The following CRIP2 variants were observed in gnomAD, a reference collection of about 807,000 sequenced individuals.
CRIP2 encodes cysteine-rich protein 2.
In CRIP2, 31 loss-of-function variants were observed where a neutral mutation model predicts 31.3. The observed-to-expected ratio is 0.99, with a 90% confidence interval of 0.74 to 1.34. CRIP2 has a LOEUF of 1.34. CRIP2 is among the 40% of genes most tolerant of loss of function. The pLI is 0.00. For missense variants in CRIP2, 389 were observed against 301.6 expected (o/e 1.29, Z -2.15); for synonymous variants, 177 against 127.2 (o/e 1.39, Z -2.63).
upstream of CRIP2, among the ~76,000 whole-genome samples, chr14:105,473,668 T>C (rs1555435204): frequency 6.6e-6 from 1 of 152,152 alleles, no homozygotes; most frequent in Admixed American, 6.5e-5. Context: ...GAAGGGCCCA[T>C]GGGGACAGAG....
chr14:105,478,702 AC>A lies in CRIP2; in HGVS notation c.197-24del. On this transcript the variant is annotated intron_variant, in intron 3 of 7. Coordinates refer to ENST00000329146, the MANE Select transcript of CRIP2 (RefSeq NM_001312.4). This position sits in a 1 kb window ranked among gnomAD's most constrained non-coding sequence, Gnocchi z 4.9. ...GGTGGCCGCGGCCCCCACCCCACGT[AC>A]CCCCGCCCCACGTACCCCCACCCGC... is the stretch of plus-strand genomic sequence containing the variant. The A allele has an allele frequency of 7.0e-7, 1 of 1,432,756 alleles. No homozygotes were observed. The allele number at this position is 1,432,756 out of a possible 1,614,324, so 88.8% of individuals were successfully genotyped here.
chr14:105,479,071 A>ACCCCCG lies in CRIP2; in HGVS notation c.407-37_407-32dup, dbSNP rs781950464. ...CGGTGAGTGCGCGCCCGGGCCCCGG[A>ACCCCCG]CCCCCGCCCCCGCCCCCGCCCCGGG... On this transcript the variant is annotated intron_variant, in intron 5 of 7. Coordinates refer to ENST00000329146, the MANE Select transcript of CRIP2 (RefSeq NM_001312.4). 328 of 1,519,440 alleles carry ACCCCCG rather than the reference A, an allele frequency of 2.2e-4. 1 individual carries two copies. The highest frequency in any genetic ancestry group is 1.6e-3 in the African/African-American group (112 of 71,234). 94.1% of individuals were successfully genotyped at this position (1,519,440 alleles called of 1,614,324 possible).
chr14:105,479,526 C>T (rs369993075), intron 7 of CRIP2, 33 bp downstream of exon 7: 805 of 1,612,638 alleles, frequency 5.0e-4, no homozygotes, highest in Non-Finnish European at 6.3e-4. Context: ...ACGATGTCTT[C>T]CCTGCCCTCC....
In CRIP2 at chr14:105,479,761, G is replaced by A; in HGVS notation, c.*108G>A. On this transcript the variant is annotated 3_prime_UTR_variant, in exon 8 of 8. Coordinates refer to ENST00000329146, the MANE Select transcript of CRIP2 (RefSeq NM_001312.4). ...CTCAGCCGCCCAGTCCTGCCTGCAA[G>A]CCCAGGGCGAGTATTGGAGGAGGGG... 1 of 1,260,556 alleles carries A rather than the reference G, an allele frequency of 7.9e-7. No individual in the cohort carries two copies. Among genetic ancestry groups the A allele is most frequent in the African/African-American group, 1.5e-5 (1 of 67,502 alleles). 78.1% of individuals were successfully genotyped at this position (1,260,556 alleles called of 1,614,324 possible).
At chr14:105,476,210 A>G (rs1378328033) in intron 1 of CRIP2, 15 of 985,320 alleles carry the variant, frequency 1.5e-5, no homozygotes, top group Non-Finnish European at 1.8e-5. Context: ...AGGCCGGGCC[A>G]GGCCAGCCTG....
At chr14:105,476,738 C>T in intron 1 of CRIP2, 1 of 985,504 alleles carries the variant, frequency 1.0e-6, no homozygotes, top group Non-Finnish European at 1.2e-6. Context: ...CCCCTGCCTG[C>T]CCTGGTGTGT....
At position 105,478,416 on chromosome 14, in the gene CRIP2, C is replaced by G; in HGVS notation, c.139-34C>G. 6.3e-7 allele frequency: 1 copy of G among 1,591,898 alleles called. No individual in the cohort carries two copies. Among genetic ancestry groups the G allele is most frequent in the Non-Finnish European group, 8.5e-7 (1 of 1,173,182 alleles). On this transcript the variant is annotated intron_variant, in intron 2 of 7. Coordinates refer to ENST00000329146, the MANE Select transcript of CRIP2 (RefSeq NM_001312.4). This position sits in a 1 kb window ranked among gnomAD's most constrained non-coding sequence, Gnocchi z 4.9. ...CGGGGGTCGCGACTCCCGCCACCCT[C>G]AGGCAGGGTCCTGACCCGCGCCCCT...
rs868985905 is a variant in CRIP2, at chr14:105,478,596, G to A, written c.196+89G>A. 4 of 1,525,564 alleles carry A rather than the reference G, an allele frequency of 2.6e-6. No homozygotes were observed. Among genetic ancestry groups the A allele is most frequent in the Middle Eastern group, 4.0e-4 (2 of 4,970 alleles). The allele number at this position is 1,525,564 out of a possible 1,614,324, so 94.5% of individuals were successfully genotyped here. The stretch of plus-strand genomic sequence containing the variant: ...GGGAGGGCTGGGGGTCCCGGCCGCC[G>A]TGGATCCCCGCCCAGAGTCCCTGCC... On this transcript the variant is annotated intron_variant, in intron 3 of 7. Transcript: ENST00000329146. This position sits in a 1 kb window ranked among gnomAD's most constrained non-coding sequence, Gnocchi z 4.9.
chr14:105,477,122 C>A, intron 1 of CRIP2: 1 of 331,140 alleles, frequency 3.0e-6, no homozygotes, highest in Non-Finnish European at 4.3e-6. Context: ...TGCTCCCTCC[C>A]CCCAGGGCCT....
rs782767179 is a variant in CRIP2, at chr14:105,479,625, G to T, written c.599G>T (p.Arg200Leu). Residue 200 changes from arginine (R) to leucine (L), a missense_variant, in exon 8 of 8, where the codon CGG becomes CTG. Coordinates refer to ENST00000329146, the MANE Select transcript of CRIP2 (RefSeq NM_001312.4). ...TGAVGSYIYDRDPEGKVQP is the reference protein window; with the variant it reads ...TGAVGSYIYDLDPEGKVQP ...GCGGTGGGCAGCTACATCTATGACCGGGACCCCGAAGGCAAGGTCCAGCCC... is the reference window on the plus strand; with the variant it reads ...GCGGTGGGCAGCTACATCTATGACCTGGACCCCGAAGGCAAGGTCCAGCCC... 1.9e-6 allele frequency: 3 copies of T among 1,612,608 alleles called. No individual in the cohort carries two copies. The South Asian group carries it at 3.3e-5, about 18-fold the overall frequency.
intron 1 of CRIP2, chr14:105,477,422 G>T: frequency 2.0e-6 from 2 of 985,192 alleles, no homozygotes; most frequent in Non-Finnish European, 2.4e-6. Context: ...AGGACCCACG[G>T]GGACGGGGCC....
rs1049132154 is a variant in CRIP2, at chr14:105,476,812, G to A, written c.44-1454G>A. On this transcript the variant is annotated intron_variant, in intron 1 of 7. Transcript: ENST00000329146. ...TCTAAGCTGGTGCAGCCTTGTGGTT[G>A]GGCTGGTGTCCTGGAGGCTGGCCCT... is the stretch of plus-strand genomic sequence containing the variant. 11 of 974,152 alleles carry A rather than the reference G, an allele frequency of 1.1e-5. No homozygotes were observed. In the Admixed American group the frequency reaches 1.8e-4, roughly 16 times the overall value. The allele number at this position is 974,152 out of a possible 1,614,324, so 60.3% of individuals were successfully genotyped here.
At chr14:105,476,010 C>G (rs55662446) in intron 1 of CRIP2, 44,602 of 985,492 alleles carry the variant, frequency 0.045, 1,141 homozygotes, top group Non-Finnish European at 0.05. Flanking sequence ...TTGCCCGTCC[C>G]AGAGGGGAGG....
intron 1 of CRIP2, among the ~76,000 whole-genome samples, 162 bp downstream of exon 1, chr14:105,475,067 A>G (rs1241804781): frequency 6.6e-6 from 1 of 152,142 alleles, no homozygotes; most frequent in Non-Finnish European, 1.5e-5. Flanking sequence ...CCAAGCGGCT[A>G]AAGCCAAAGG....
At chr14:105,474,352 C>CCG (rs1555435283), upstream of CRIP2, 3 of 151,728 alleles carry the variant, frequency 2.0e-5, no homozygotes. The surrounding 1 kb of genome is among the most constrained non-coding windows in gnomAD (Gnocchi z 5.1). Flanking sequence ...GGGACAGGCG[C>CCG]CGCGCGCGGC....
intron 1 of CRIP2, chr14:105,475,939 G>C (rs2083923146): frequency 1.5e-5 from 15 of 985,572 alleles, no homozygotes; most frequent in Non-Finnish European, 1.8e-5. Context: ...AGGCTGCAGG[G>C]AAGGCCGCCA....
chr14:105,475,848 G>A (rs1286535624), intron 1 of CRIP2: 4 of 985,394 alleles, frequency 4.1e-6, no homozygotes, highest in Middle Eastern at 5.2e-4. Flanking sequence ...TGCACGAAGG[G>A]GGGCAGACTT....
upstream of CRIP2, chr14:105,474,456 C>T (rs1260023367): frequency 1.3e-5 from 2 of 151,330 alleles, no homozygotes; most frequent in African/African-American, 4.9e-5. The surrounding 1 kb of genome is among the most constrained non-coding windows in gnomAD (Gnocchi z 5.1). Flanking sequence ...GACCCCTAGG[C>T]CCAAGTCACT....
chr14:105,474,890 A>G lies in CRIP2; in HGVS notation c.28A>G (p.Lys10Glu). 1 of 1,521,742 alleles carries G rather than the reference A, an allele frequency of 6.6e-7. No individual in the cohort carries two copies. Among genetic ancestry groups the G allele is most frequent in the Non-Finnish European group, 8.8e-7 (1 of 1,135,190 alleles). The allele number at this position is 1,521,742 out of a possible 1,614,324, so 94.3% of individuals were successfully genotyped here. A position where few individuals can be genotyped will look rare whatever the true frequency, so the allele number is the denominator to read the frequency against. MASKCPKCD[K>E]TVYFAEKVSS... ...GGCCTCCAAATGCCCCAAGTGCGAC[A>G]AGACCGTGTACTTCGGTGAGTGCGT... The change falls in exon 1 of 8, where the codon AAG becomes GAG. Residue 10 changes from lysine to glutamate, a missense_variant. Transcript: ENST00000329146. The surrounding 1 kb of genome is among the most constrained non-coding windows in gnomAD (Gnocchi z 5.1).
Sources: gnomAD v4.1 joint callset for allele counts (sites outside exome capture counted in the v4.1 genomes callset) on GRCh38, gnomAD v4.1.1 for gene constraint, Gnocchi (gnomAD v3.1) non-coding constraint, MANE v1.5 for transcripts, NCBI Gene and HGNC (gene_info 2026-07-23, HGNC 2026-07-21) for gene names.